The following DMD variants were observed in gnomAD, a reference collection of about 807,000 sequenced individuals.
DMD encodes mutant dystrophin.
Under a neutral mutation model 330.1 loss-of-function variants are expected in DMD, and 63 were observed. The observed-to-expected ratio is 0.19, with a 90% confidence interval of 0.16 to 0.24. The LOEUF is 0.24. Ranked by LOEUF, DMD falls within the 10% of genes least tolerant of loss-of-function variation. The pLI, the probability that DMD is intolerant of heterozygous loss-of-function variation, is 1.00. For synonymous variants in DMD, 1,223 were observed against 959.8 expected (o/e 1.27, Z -5.07); for missense variants, 3,344 against 2,684.1 (o/e 1.25, Z -5.43).
intron 2 of DMD, among the ~76,000 whole-genome samples, chrX:32,949,251 T>TAC (rs10587318): frequency 0.026 from 2,344 of 89,540 alleles, 32 homozygotes; most frequent in African/African-American, 0.036. Flanking sequence ...AATCGTTACA[T>TAC]ACACACACAC....
intron 44 of DMD, among the ~76,000 whole-genome samples, chrX:32,019,873 T>A: frequency 8.9e-6 from 1 of 112,733 alleles, no homozygotes; most frequent in Middle Eastern, 4.6e-3. Flanking sequence ...TTCACCCTAT[T>A]CATGGGGCTA....
At chrX:31,180,586 G>A in intron 68 of DMD, 105 bp from the exon 69 acceptor site, 1 of 609,591 alleles carries the variant, frequency 1.6e-6, no homozygotes, top group Non-Finnish European at 2.7e-6. Flanking sequence ...GAAACAGAAA[G>A]CAATGTTCAT....
In DMD at chrX:33,031,736, A is replaced by C. The variant is rs776797143; in HGVS notation, c.32-11536T>G. 3.0e-4 allele frequency among the ~76,000 whole-genome samples: 33 copies of C among 110,902 alleles called. 1 individual carries two copies. Among genetic ancestry groups the C allele is most frequent in the Middle Eastern group, 4.7e-3 (1 of 215 alleles). On this transcript the variant is annotated intron_variant, in intron 1 of 78. Transcript: ENST00000357033. ...CAGTGAGCCAAGATCATGCCACTGC[A>C]CTCCAGCCCCGACAGGAGTTCAAGA...
At chrX:33,070,673 C>CTCTCTCTCTCTCTCTCTCTATA (rs1192910156) in intron 1 of DMD, among the ~76,000 whole-genome samples, 1 of 35,654 alleles carries the variant, frequency 2.8e-5, no homozygotes, top group Non-Finnish European at 4.5e-5. Flanking sequence ...CTCTCTCTCT[C>CTCTCTCTCTCTCTCTCTCTATA]TATATATATA....
At chrX:32,586,738 T>A (rs142807194) in intron 13 of DMD, among the ~76,000 whole-genome samples, 7 of 110,835 alleles carry the variant, frequency 6.3e-5, no homozygotes, top group Non-Finnish European at 1.3e-4. Flanking sequence ...TCAGGTTGAG[T>A]TGTCACACAT....
intron 62 of DMD, among the ~76,000 whole-genome samples, chrX:31,306,891 G>C (rs1056557420): frequency 9.0e-6 from 1 of 111,517 alleles, no homozygotes; most frequent in African/African-American, 3.3e-5. Flanking sequence ...TGATTTGCTA[G>C]GGGATTTTTT....
At chrX:31,627,992 G>A in intron 54 of DMD, 130 bp from the exon 55 acceptor site, 1 of 615,283 alleles carries the variant, frequency 1.6e-6, no homozygotes, top group Non-Finnish European at 2.6e-6. Context: ...TGTTGCTACA[G>A]CTCTTCCTTT....
intron 54 of DMD, among the ~76,000 whole-genome samples, chrX:31,646,432 T>C (rs2080105245): frequency 1.8e-5 from 2 of 111,700 alleles, no homozygotes; most frequent in South Asian, 7.5e-4. Context: ...TGTTAAAAGT[T>C]CCCCAAGTCC....
In DMD at chrX:33,108,881, A is replaced by G. The variant is rs867379215; in HGVS notation, c.32-88681T>C. 2.1e-4 allele frequency among the ~76,000 whole-genome samples: 21 copies of G among 99,687 alleles called. 1 individual carries two copies. Among genetic ancestry groups the G allele is most frequent in the Admixed American group, 2.0e-3 (18 of 8,788 alleles). The allele number at this position is 99,687 out of a possible 115,157, so 86.6% of individuals were successfully genotyped here. Reference sequence around the variant, plus strand: ...AACTCCGTTTCGGAAAAAAAAAAAAAAAGAAGAAGAGAGAGAAGTGATTTA... The same window carrying G: ...AACTCCGTTTCGGAAAAAAAAAAAAGAAGAAGAAGAGAGAGAAGTGATTTA... On this transcript the variant is annotated intron_variant, in intron 1 of 78. Coordinates refer to ENST00000357033, the MANE Select transcript of DMD (RefSeq NM_004006.3).
intron 1 of DMD, among the ~76,000 whole-genome samples, chrX:33,087,895 A>G (rs190394277): frequency 1.8e-5 from 2 of 110,550 alleles, no homozygotes; most frequent in African/African-American, 6.6e-5. Context: ...GCTTACGATG[A>G]ATTTTTTCTA....
intron 51 of DMD, among the ~76,000 whole-genome samples, chrX:31,751,756 A>T (rs1484943099): frequency 1.8e-5 from 2 of 112,369 alleles, no homozygotes; most frequent in Non-Finnish European, 3.8e-5. Context: ...AGTCATTACT[A>T]AATGTTCATG....
chrX:32,679,457 G>GT (rs1406581250), intron 9 of DMD, among the ~76,000 whole-genome samples: 1 of 111,116 alleles, frequency 9.0e-6, no homozygotes, highest in East Asian at 2.8e-4. Flanking sequence ...ACTCTTTCTG[G>GT]TTTTTTGTCC....
intron 44 of DMD, among the ~76,000 whole-genome samples, chrX:31,994,001 C>G (rs761826728): frequency 1.8e-5 from 2 of 111,136 alleles, no homozygotes; most frequent in Non-Finnish European, 3.8e-5. Context: ...GCAAGCTCTT[C>G]AGGATGCACT....
chrX:32,078,993 CT>C (rs1171573521), intron 44 of DMD, among the ~76,000 whole-genome samples: 2 of 111,751 alleles, frequency 1.8e-5, no homozygotes, highest in Admixed American at 1.9e-4. Context: ...ACCTAAACCC[CT>C]TTTTTCTTTG....
At chrX:31,528,423 G>A (rs2073415135) in intron 55 of DMD, among the ~76,000 whole-genome samples, 2 of 111,718 alleles carry the variant, frequency 1.8e-5, no homozygotes, top group South Asian at 7.5e-4. Flanking sequence ...AAGAAGCCCA[G>A]AAGTGAAATA....
At chrX:32,301,222 T>A (rs866658204) in intron 42 of DMD, among the ~76,000 whole-genome samples, 6 of 74,646 alleles carry the variant, frequency 8.0e-5, no homozygotes, top group Non-Finnish European at 1.0e-4. Flanking sequence ...TGCATACATC[T>A]AAAAAAAAAA....
chrX:32,727,845 G>C (rs1016513068), intron 7 of DMD, among the ~76,000 whole-genome samples: 1 of 110,685 alleles, frequency 9.0e-6, no homozygotes, highest in Non-Finnish European at 1.9e-5. Flanking sequence ...ATGATTACTA[G>C]AAAATGTACC....
intron 12 of DMD, among the ~76,000 whole-genome samples, chrX:32,596,371 C>A (rs886885393): frequency 2.7e-5 from 3 of 109,834 alleles, no homozygotes; most frequent in Non-Finnish European, 3.8e-5. Flanking sequence ...ACTTTGCCCA[C>A]TAACCCATTG....
rs60290309 is a variant in DMD at position 32,649,963 on chromosome X, C to T, written c.961-4811G>A. Among the ~76,000 whole-genome samples, 330 of 111,094 alleles carry T rather than the reference C, an allele frequency of 3.0e-3. 1 individual carries two copies. The highest frequency in any genetic ancestry group is 0.01 in the African/African-American group (309 of 30,498). ...CACATTCTAGATCCCAAGAAATGCT[C>T]TGCAATGCCTGTGTTTGGGGGCCAA... On this transcript the variant is annotated intron_variant, in intron 9 of 78. Transcript: ENST00000357033.
Sources: allele counts gnomAD v4.1 joint callset (sites outside exome capture counted in the v4.1 genomes callset), GRCh38; gene constraint gnomAD v4.1.1; transcripts MANE v1.5; gene names NCBI Gene and HGNC (gene_info 2026-07-23, HGNC 2026-07-21).